DOP1B: variants seen among roughly 807,000 people sequenced by gnomAD.
DOP1B encodes DOP1 leucine zipper like protein B.
A neutral mutation model predicts 233.5 loss-of-function variants in DOP1B; 174 were observed. The observed-to-expected ratio is 0.75, with a 90% CI of 0.66 to 0.85. DOP1B has a LOEUF of 0.85. Among genes scored for constraint, DOP1B ranks in the 40% least tolerant of loss-of-function variants. The pLI is 0.00. For missense variants in DOP1B, 2,652 were observed against 2,846.6 expected (o/e 0.93, Z 1.56); for synonymous variants, 1,190 against 1,185.6 (o/e 1.00, Z -0.08).
Position 36,267,815 on chromosome 21 carries a change from TG to T in DOP1B, c.5488-2197del, listed in dbSNP as rs960666736. ...ACATCACGTATCAGTAGGACCGTGA[TG>T]CCCTCCTGAGCCTCAAACCAGCAAG... On this transcript the variant is annotated intron_variant, in intron 26 of 36. Coordinates refer to ENST00000691173, the MANE Select transcript of DOP1B (RefSeq NM_001320714.2). Among the ~76,000 whole-genome samples, 7 of 151,984 alleles carry T rather than the reference TG, an allele frequency of 4.6e-5. No individual in the cohort carries two copies. The East Asian group carries it at 1.2e-3, about 25-fold the overall frequency.
At chr21:36,187,959 T>G (rs1369045430) in intron 2 of DOP1B, among the ~76,000 whole-genome samples, 1 of 152,116 alleles carries the variant, frequency 6.6e-6, no homozygotes, top group Non-Finnish European at 1.5e-5. Context: ...CACCCAGCCT[T>G]CAGTTCTACT....
Position 36,246,364 on chromosome 21 carries a change from G to A in DOP1B, c.4384G>A (p.Ala1462Thr), listed in dbSNP as rs1459452935. ...CCACCTGGGTCGGGCCCATGAGGAG[G>A]CGGAAAACCAGCCCGACCTGTCCCG... is the stretch of plus-strand genomic sequence containing the variant. ...EHHLGRAHEE[A>T]ENQPDLSREW... is the part of the protein sequence containing the mutation. The change falls in exon 19 of 37, where the codon GCG (alanine) becomes ACG (threonine). Residue 1462 changes from alanine to threonine, a missense_variant. Physicochemically the swap from Ala to Thr is moderately conservative, Grantham distance 58. Transcript: ENST00000691173. This position sits in a 1 kb window ranked among gnomAD's most constrained non-coding sequence, Gnocchi z 5.1. 2 of 1,613,626 alleles carry A rather than the reference G, an allele frequency of 1.2e-6. No homozygotes were observed. The highest frequency in any genetic ancestry group is 2.7e-5 in the African/African-American group (2 of 75,056).
chr21:36,261,508 G>C, intron 24 of DOP1B: 9 of 985,502 alleles, frequency 9.1e-6, no homozygotes, highest in Non-Finnish European at 1.1e-5. Flanking sequence ...GAGCATTAAA[G>C]GGGATTCCGC....
At chr21:36,228,138 G>A (rs2066714727) in intron 13 of DOP1B, among the ~76,000 whole-genome samples, 3 of 152,124 alleles carry the variant, frequency 2.0e-5, no homozygotes, top group African/African-American at 4.8e-5. Context: ...AGACCAGCCT[G>A]GGCAACATAG....
chr21:36,254,947 CT>C (rs35630827), intron 23 of DOP1B, among the ~76,000 whole-genome samples: 2,054 of 127,632 alleles, frequency 0.016, 25 homozygotes, highest in African/African-American at 0.052. Flanking sequence ...ATTTGTGTAA[CT>C]TTTTTTTTTT....
chr21:36,288,767 C>A lies in DOP1B; in HGVS notation c.6309C>A (p.Phe2103Leu), dbSNP rs200835895. 179 of 1,611,792 alleles carry A rather than the reference C, an allele frequency of 1.1e-4. 1 individual carries two copies. The highest frequency in any genetic ancestry group is 8.3e-4 in the Middle Eastern group (5 of 6,020). ...PIMVSELIQT[F>L]TQLEEDLKDE... The stretch of plus-strand genomic sequence containing the variant: ...CATTTTTTTTTCAGATTCAGACATT[C>A]ACACAGCTTGAAGAAGATCTAAAAG... Residue 2103 changes from phenylalanine (F) to leucine (L), a missense_variant, in exon 34 of 37, where the codon TTC becomes TTA. By Grantham distance (22) the Phe-to-Leu change is conservative. Transcript: ENST00000691173.
chr21:36,237,904 AC>A (rs1294655285), intron 16 of DOP1B, among the ~76,000 whole-genome samples: 1 of 152,184 alleles, frequency 6.6e-6, no homozygotes, highest in African/African-American at 2.4e-5. Flanking sequence ...GCAGTGACTC[AC>A]GCCTGTAATT....
At chr21:36,201,912 C>T (rs759057374) in intron 4 of DOP1B, among the ~76,000 whole-genome samples, 13 of 151,834 alleles carry the variant, frequency 8.6e-5, no homozygotes, top group African/African-American at 1.2e-4. Flanking sequence ...TGGCCGGGCA[C>T]GGTGGCTCAC....
At chr21:36,180,294 C>T (rs533918731) in intron 2 of DOP1B, among the ~76,000 whole-genome samples, 6 of 152,286 alleles carry the variant, frequency 3.9e-5, no homozygotes, top group South Asian at 2.1e-4. Flanking sequence ...CTTTGCTGGC[C>T]GCGGTGGCTC....
chr21:36,277,359 T>G (rs941061381), intron 28 of DOP1B, among the ~76,000 whole-genome samples: 2 of 152,014 alleles, frequency 1.3e-5, no homozygotes, highest in Non-Finnish European at 2.9e-5. Context: ...CTCAGCTCAC[T>G]GCAACCTCCA....
chr21:36,190,650 G>A (rs139433318), intron 2 of DOP1B, among the ~76,000 whole-genome samples: 1 of 152,112 alleles, frequency 6.6e-6, no homozygotes, highest in African/African-American at 2.4e-5. Context: ...TACCTGCCTC[G>A]GCCTCCTAAA....
rs2065941563 is a variant in DOP1B, at chr21:36,168,841, G to T, written c.138+3970G>T. On this transcript the variant is annotated intron_variant, in intron 2 of 36. Coordinates refer to ENST00000691173, the MANE Select transcript of DOP1B (RefSeq NM_001320714.2). Reference sequence around the variant, plus strand: ...AGCCACTGTGCCCAGCCTATTTTCAGTTTTTTAAAAATGATAACCATCCTA... The same window carrying T: ...AGCCACTGTGCCCAGCCTATTTTCATTTTTTTAAAAATGATAACCATCCTA... 4 of 339,064 alleles carry T rather than the reference G, an allele frequency of 1.2e-5. No homozygotes were observed. The South Asian group carries it at 1.2e-4, about 11-fold the overall frequency. 21.0% of individuals were successfully genotyped at this position (339,064 alleles called of 1,614,324 possible). A position where few individuals can be genotyped will look rare whatever the true frequency, so the allele number is the denominator to read the frequency against.
At chr21:36,176,954 G>T (rs894720292) in intron 2 of DOP1B, among the ~76,000 whole-genome samples, 4 of 152,120 alleles carry the variant, frequency 2.6e-5, no homozygotes, top group Non-Finnish European at 4.4e-5. Context: ...GAGTAGCTGG[G>T]ATCACAGGCA....
At position 36,271,381 on chromosome 21, in the gene DOP1B, C is replaced by T. The variant is rs142878394; in HGVS notation, c.5632+1224C>T. On this transcript the variant is annotated intron_variant, in intron 27 of 36. Transcript: ENST00000691173. ...CTCCGCCTCCCTGGTTCAAGCCATT[C>T]TCCTGCCTCAGCCTCCCGAATAGCT... Among the ~76,000 whole-genome samples the T allele has an allele frequency of 8.3e-3, 1,265 of 151,896 alleles. 38 individuals are homozygous for T. Among genetic ancestry groups the T allele is most frequent in the African/African-American group, 0.029 (1,200 of 41,324 alleles).
In DOP1B at chr21:36,271,467, T is replaced by C. The variant is rs151051824; in HGVS notation, c.5632+1310T>C. On this transcript the variant is annotated intron_variant, in intron 27 of 36. Transcript: ENST00000691173. ...TTTTGTGGTTAGTAAAGACAGCGTT[T>C]CACCATGTTGGCCAGGCTGGTCTCA... Among the ~76,000 whole-genome samples, 687 of 152,152 alleles carry C rather than the reference T, an allele frequency of 4.5e-3. 20 individuals are homozygous for C. The highest frequency in any genetic ancestry group is 0.016 in the African/African-American group (657 of 41,416).
intron 27 of DOP1B, among the ~76,000 whole-genome samples, chr21:36,276,215 A>G (rs1807627170): frequency 6.6e-6 from 1 of 152,098 alleles, no homozygotes; most frequent in South Asian, 2.1e-4. Context: ...TTTGATCAAA[A>G]TATCCAGATT....
intron 2 of DOP1B, among the ~76,000 whole-genome samples, chr21:36,180,368 A>C (rs2066082707): frequency 6.6e-6 from 1 of 152,048 alleles, no homozygotes; most frequent in Non-Finnish European, 1.5e-5. Context: ...CAGGAGTTCA[A>C]GACCAGCCTG....
rs747053271 is a variant in DOP1B at position 36,200,452 on chromosome 21, A to C, written c.442A>C (p.Ile148Leu). 2 of 1,612,934 alleles carry C rather than the reference A, an allele frequency of 1.2e-6. No homozygotes were observed. Among genetic ancestry groups the C allele is most frequent in the African/African-American group, 1.3e-5 (1 of 74,898 alleles). The change falls in exon 4 of 37, where the codon ATC (isoleucine) becomes CTC (leucine). Residue 148 changes from isoleucine to leucine, a missense_variant. This residue lies in a region of DOP1B where 2,617 missense variants were observed against 2,794.3 expected (regional missense o/e 0.94). Coordinates refer to ENST00000691173, the MANE Select transcript of DOP1B (RefSeq NM_001320714.2). ...GCTCCTGCCCAGTCTGCAGGCCTTC[A>C]TCGTGGGCCTGCTGCCCGGCCTTGA... ...KLLLPSLQAFIVGLLPGLEEG... is the reference protein window; with the variant it reads ...KLLLPSLQAFLVGLLPGLEEG...
intron 23 of DOP1B, among the ~76,000 whole-genome samples, 188 bp from the exon 24 acceptor site, chr21:36,260,489 G>A (rs1276376899): frequency 6.6e-6 from 1 of 152,034 alleles, no homozygotes; most frequent in African/African-American, 2.4e-5. Context: ...AATGATTTGG[G>A]GACTCATAGG....
Sources: gnomAD v4.1 joint callset for allele counts (sites outside exome capture counted in the v4.1 genomes callset) on GRCh38, gnomAD v4.1.1 for gene constraint, gnomAD v4.1.1 regional missense constraint, Gnocchi (gnomAD v3.1) non-coding constraint, MANE v1.5 for transcripts, NCBI Gene and HGNC (gene_info 2026-07-23, HGNC 2026-07-21) for gene names.